DCUN1D3: variants seen among roughly 807,000 people sequenced by gnomAD.
DCUN1D3 encodes the protein defective in cullin neddylation 1 domain containing 3.
A neutral mutation model predicts 24.8 loss-of-function variants in DCUN1D3; 6 were observed. The ratio of observed to expected loss-of-function variants is 0.24; its 90% CI spans 0.13 to 0.48. The LOEUF is 0.48. DCUN1D3 is among the 20% of genes least tolerant of loss of function. The pLI is 0.99. For synonymous variants in DCUN1D3, 120 were observed against 144.9 expected (o/e 0.83, Z 1.24); for missense variants, 258 against 379.4 (o/e 0.68, Z 2.66).
At chr16:20,873,244 CT>C (rs754843371) in intron 1 of DCUN1D3, among the ~76,000 whole-genome samples, 30 of 152,176 alleles carry the variant, frequency 2.0e-4, no homozygotes, top group Non-Finnish European at 3.5e-4. Flanking sequence ...CTAAAGACAT[CT>C]TTCACTTATA....
At position 20,859,613 on chromosome 16, in the gene DCUN1D3, C is replaced by T; in HGVS notation, c.*273G>A. On this transcript the variant is annotated 3_prime_UTR_variant, in exon 3 of 3. Coordinates refer to ENST00000324344, the MANE Select transcript of DCUN1D3 (RefSeq NM_173475.4). ...TTGTGCAAGAAATGGCAGGCTTATT[C>T]TATCTGAAGGCTTCAAAAAAAGATA... is the stretch of plus-strand genomic sequence containing the variant. 5.0e-6 allele frequency: 1 copy of T among 198,106 alleles called. No individual in the cohort carries two copies. Among genetic ancestry groups the T allele is most frequent in the Non-Finnish European group, 9.7e-6 (1 of 103,594 alleles). The allele number at this position is 198,106 out of a possible 1,614,324, so 12.3% of individuals were successfully genotyped here.
At chr16:20,872,536 G>T (rs907311039) in intron 1 of DCUN1D3, among the ~76,000 whole-genome samples, 2 of 151,504 alleles carry the variant, frequency 1.3e-5, no homozygotes, top group African/African-American at 2.4e-5. Flanking sequence ...CCCCACGATG[G>T]AGGTTGACTG....
At chr16:20,866,455 C>G (rs1350500082) in intron 1 of DCUN1D3, among the ~76,000 whole-genome samples, 1 of 152,154 alleles carries the variant, frequency 6.6e-6, no homozygotes, top group Non-Finnish European at 1.5e-5. Flanking sequence ...ACCCCGCCCC[C>G]ACTGGACAGA....
intron 1 of DCUN1D3, among the ~76,000 whole-genome samples, chr16:20,880,000 A>C (rs767415365): frequency 2.0e-5 from 3 of 152,224 alleles, no homozygotes; most frequent in Non-Finnish European, 2.9e-5. Context: ...TTCCAGGCCA[A>C]AAACATATTT....
intron 1 of DCUN1D3, among the ~76,000 whole-genome samples, chr16:20,864,384 A>G (rs2081749706): frequency 1.3e-5 from 2 of 152,210 alleles, no homozygotes; most frequent in South Asian, 2.1e-4. Context: ...AAGCATATGA[A>G]AAAAAGCTCA....
intron 1 of DCUN1D3, among the ~76,000 whole-genome samples, chr16:20,886,434 T>A (rs1172178231): frequency 6.6e-6 from 1 of 152,204 alleles, no homozygotes; most frequent in Non-Finnish European, 1.5e-5. Flanking sequence ...TAAATAAAAA[T>A]GATAGAAGAC....
chr16:20,863,138 G>A (rs79993856), intron 1 of DCUN1D3, among the ~76,000 whole-genome samples: 4 of 152,298 alleles, frequency 2.6e-5, no homozygotes, highest in East Asian at 3.9e-4. Flanking sequence ...CTAATGATGA[G>A]GTTGTCAAGA....
In DCUN1D3 at chr16:20,855,295, T is replaced by G. The variant is rs2081697122; in HGVS notation, c.*4591A>C. On this transcript the variant is annotated 3_prime_UTR_variant, in exon 3 of 3. Coordinates refer to ENST00000324344, the MANE Select transcript of DCUN1D3 (RefSeq NM_173475.4). ...CCCTTTAAAACCTAGTCATATTCAT[T>G]AGTGCAACAGGTAAGAGCAATTAAG... is the stretch of plus-strand genomic sequence containing the variant. 1 of 152,216 alleles carries G rather than the reference T, an allele frequency of 6.6e-6. No individual in the cohort carries two copies. The highest frequency in any genetic ancestry group is 1.5e-5 in the Non-Finnish European group (1 of 68,058). 9.4% of individuals were successfully genotyped at this position (152,216 alleles called of 1,614,324 possible).
At position 20,862,564 on chromosome 16, in the gene DCUN1D3, T is replaced by G; in HGVS notation, c.-26A>C. 6.3e-7 allele frequency: 1 copy of G among 1,582,380 alleles called. No individual in the cohort carries two copies. Among genetic ancestry groups the G allele is most frequent in the East Asian group, 2.2e-5 (1 of 44,796 alleles). On this transcript the variant is annotated 5_prime_UTR_variant, in exon 2 of 3. Transcript: ENST00000324344. ...GGTGCTGGTGGCCTGGCCTCTAGAGTGGACCCCTCTGGATTGGATGCCCTC... is the reference window on the plus strand; with the variant it reads ...GGTGCTGGTGGCCTGGCCTCTAGAGGGGACCCCTCTGGATTGGATGCCCTC...
rs769660360 is a variant in DCUN1D3 at position 20,855,992 on chromosome 16, TGA to T, written c.*3892_*3893del. 1 of 152,148 alleles carries T rather than the reference TGA, an allele frequency of 6.6e-6. No individual in the cohort carries two copies. Among genetic ancestry groups the T allele is most frequent in the Non-Finnish European group, 1.5e-5 (1 of 68,034 alleles). The allele number at this position is 152,148 out of a possible 1,614,324, so 9.4% of individuals were successfully genotyped here. A position where few individuals can be genotyped will look rare whatever the true frequency, so the allele number is the denominator to read the frequency against. ...TGCTCAAGTCATAGCTAACCAAACA[TGA>T]GAGACAAGAAAAACAGCAGAGCAGT... On this transcript the variant is annotated 3_prime_UTR_variant, in exon 3 of 3. Coordinates refer to ENST00000324344, the MANE Select transcript of DCUN1D3 (RefSeq NM_173475.4).
chr16:20,886,652 C>T (rs1372521191), intron 1 of DCUN1D3, among the ~76,000 whole-genome samples: 1 of 152,216 alleles, frequency 6.6e-6, no homozygotes, highest in Non-Finnish European at 1.5e-5. Context: ...CACACAAACA[C>T]ACACAAAAGT....
chr16:20,898,854 C>T (rs1049466794), intron 1 of DCUN1D3, among the ~76,000 whole-genome samples: 1 of 149,680 alleles, frequency 6.7e-6, no homozygotes. Flanking sequence ...TAACACTTCA[C>T]TCTGATATCT....
At chr16:20,870,330 G>C (rs779519701) in intron 1 of DCUN1D3, among the ~76,000 whole-genome samples, 1 of 152,170 alleles carries the variant, frequency 6.6e-6, no homozygotes, top group Non-Finnish European at 1.5e-5. Flanking sequence ...CAAAAGCAGA[G>C]GGAAAGCAGG....
At chr16:20,869,776 G>C (rs910788875) in intron 1 of DCUN1D3, among the ~76,000 whole-genome samples, 3 of 152,120 alleles carry the variant, frequency 2.0e-5, no homozygotes, top group Non-Finnish European at 2.9e-5. Context: ...TTTACAGAGG[G>C]AGGAAGTGAA....
intron 1 of DCUN1D3, among the ~76,000 whole-genome samples, chr16:20,876,725 A>G (rs1482337405): frequency 6.6e-6 from 1 of 152,240 alleles, no homozygotes; most frequent in East Asian, 1.9e-4. Flanking sequence ...GGATGAATGG[A>G]TAAAGAAAAT....
intron 1 of DCUN1D3, among the ~76,000 whole-genome samples, chr16:20,872,865 C>G (rs2081796019): frequency 6.6e-6 from 1 of 152,230 alleles, no homozygotes; most frequent in African/African-American, 2.4e-5. Context: ...CGCCTGCAAT[C>G]CCAGCACTTT....
At chr16:20,871,527 C>T (rs1049507780) in intron 1 of DCUN1D3, among the ~76,000 whole-genome samples, 2 of 152,188 alleles carry the variant, frequency 1.3e-5, no homozygotes, top group African/African-American at 2.4e-5. Context: ...GCATTGCACC[C>T]TTTGAATTCA....
At position 20,862,598 on chromosome 16, in the gene DCUN1D3, T is replaced by C; in HGVS notation, c.-60A>G. On this transcript the variant is annotated 5_prime_UTR_variant, in exon 2 of 3. Transcript: ENST00000324344. ...CTGGATTGGATGCCCTCGCTGCCGC[T>C]GGCCCATGTACCTCAACATGCCATC... 1.3e-6 allele frequency: 2 copies of C among 1,540,996 alleles called. No individual in the cohort carries two copies. The highest frequency in any genetic ancestry group is 1.7e-6 in the Non-Finnish European group (2 of 1,152,864).
rs937964678 is a variant in DCUN1D3 at position 20,865,584 on chromosome 16, C to T, written c.-105-2941G>A. Among the ~76,000 whole-genome samples, 13 of 152,134 alleles carry T rather than the reference C, an allele frequency of 8.5e-5. 1 individual carries two copies. ...TTGTTAATGAAGTGTGGACCAGGAGCCAGAAGTGTAGCAGGAAACAGACAC... is the reference window on the plus strand; with the variant it reads ...TTGTTAATGAAGTGTGGACCAGGAGTCAGAAGTGTAGCAGGAAACAGACAC... On this transcript the variant is annotated intron_variant, in intron 1 of 2. Coordinates refer to ENST00000324344, the MANE Select transcript of DCUN1D3 (RefSeq NM_173475.4).
Sources: gnomAD v4.1 joint callset for allele counts (sites outside exome capture counted in the v4.1 genomes callset) on GRCh38, gnomAD v4.1.1 for gene constraint, MANE v1.5 for transcripts, NCBI Gene and HGNC (gene_info 2026-07-23, HGNC 2026-07-21) for gene names.